Variants in C1GALT1 observed in about 807,000 individuals in gnomAD.
The protein encoded by C1GALT1 is core 1 synthase, glycoprotein-N-acetylgalactosamine 3-beta-galactosyltransferase 1.
In C1GALT1, 11 loss-of-function variants were observed where a neutral mutation model predicts 31.0. That is an observed-to-expected ratio of 0.36 (90% confidence interval 0.22 to 0.59). The LOEUF is 0.59. Among genes scored for constraint, C1GALT1 ranks in the 20% least tolerant of loss-of-function variants. The pLI, the probability that C1GALT1 is intolerant of heterozygous loss-of-function variation, is 0.79. For missense variants in C1GALT1, 424 were observed against 425.2 expected (o/e 1.00, Z 0.03); for synonymous variants, 175 against 143.6 (o/e 1.22, Z -1.56).
intron 2 of C1GALT1, among the ~76,000 whole-genome samples, chr7:7,158,720 C>T (rs1023189586): frequency 6.6e-6 from 1 of 151,624 alleles, no homozygotes; most frequent in African/African-American, 2.4e-5. Flanking sequence ...TCATGTAGGA[C>T]TCATATACGC....
chr7:7,210,744 A>G (rs2128238830), intron 1 of C1GALT1, among the ~76,000 whole-genome samples: 1 of 152,274 alleles, frequency 6.6e-6, no homozygotes. Flanking sequence ...TCGGGATTCC[A>G]GGAACATGTA....
chr7:7,182,864 C>G (rs1165681850), intron 1 of C1GALT1, 44 bp downstream of exon 1: 1 of 984,952 alleles, frequency 1.0e-6, no homozygotes, highest in Non-Finnish European at 1.2e-6. Context: ...TCCAAGGTCT[C>G]GTCTCCCCTC....
intron 1 of C1GALT1, among the ~76,000 whole-genome samples, chr7:7,227,253 T>C (rs1042065885): frequency 6.6e-6 from 1 of 152,210 alleles, no homozygotes; most frequent in Non-Finnish European, 1.5e-5. Flanking sequence ...GTTTGAATAT[T>C]TGTCCCCTCT....
intron 1 of C1GALT1, chr7:7,183,521 C>T (rs933621006): frequency 9.3e-6 from 9 of 964,638 alleles, no homozygotes; most frequent in African/African-American, 1.8e-5. Context: ...TTTGCTTCTG[C>T]ACCCCATTTT....
intron 2 of C1GALT1, among the ~76,000 whole-genome samples, chr7:7,175,888 G>A (rs1780501666): frequency 6.6e-6 from 1 of 151,906 alleles, no homozygotes; most frequent in East Asian, 1.9e-4. Context: ...CCTCTTCTTG[G>A]AAGGGCACCA....
chr7:7,159,597 T>C (rs1337885650), intron 2 of C1GALT1, among the ~76,000 whole-genome samples: 2 of 152,090 alleles, frequency 1.3e-5, no homozygotes, highest in African/African-American at 2.4e-5. Context: ...AGAGGCTCAA[T>C]AGAAACAGGA....
intron 2 of C1GALT1, among the ~76,000 whole-genome samples, chr7:7,166,820 T>C (rs1466374533): frequency 6.6e-6 from 1 of 152,200 alleles, no homozygotes; most frequent in Non-Finnish European, 1.5e-5. Context: ...CACTGTGTAA[T>C]ACAATAGTAA....
Position 7,245,167 on chromosome 7 carries a change from A to G in C1GALT1, c.*1440A>G, listed in dbSNP as rs1311252949. The G allele has an allele frequency of 6.6e-6, 1 of 152,244 alleles. No homozygotes were observed. The highest frequency in any genetic ancestry group is 2.4e-5 in the African/African-American group (1 of 41,458). 9.4% of individuals were successfully genotyped at this position (152,244 alleles called of 1,614,324 possible). ...AAGTATTTACATTTCCCTCATGTTT[A>G]TCATTATGCCAATTTTACATGGCAG... is the stretch of plus-strand genomic sequence containing the variant. On this transcript the variant is annotated 3_prime_UTR_variant, in exon 4 of 4. Coordinates refer to ENST00000436587, the MANE Select transcript of C1GALT1 (RefSeq NM_020156.5).
intron 2 of C1GALT1, among the ~76,000 whole-genome samples, chr7:7,168,164 G>C (rs1406159361): frequency 1.3e-5 from 2 of 152,172 alleles, no homozygotes; most frequent in Non-Finnish European, 2.9e-5. Context: ...AAGGTAATGG[G>C]ATATAGAAGT....
chr7:7,193,234 G>A (rs1204162267), intron 1 of C1GALT1, among the ~76,000 whole-genome samples: 3 of 152,254 alleles, frequency 2.0e-5, no homozygotes, highest in South Asian at 4.1e-4. Flanking sequence ...CTAAGCCAAT[G>A]TCTAGAAGGG....
chr7:7,222,599 C>T (rs996529748), intron 1 of C1GALT1, among the ~76,000 whole-genome samples: 5 of 152,032 alleles, frequency 3.3e-5, no homozygotes, highest in Non-Finnish European at 5.9e-5. Context: ...AAACCAACTG[C>T]GAAAAGACAT....
intron 2 of C1GALT1, among the ~76,000 whole-genome samples, chr7:7,173,242 A>C (rs1354943037): frequency 6.6e-6 from 1 of 151,800 alleles, no homozygotes; most frequent in East Asian, 1.9e-4. Flanking sequence ...AGTGTGTGGC[A>C]TCACCCCTCC....
intron 2 of C1GALT1, among the ~76,000 whole-genome samples, chr7:7,166,654 G>C (rs1403025623): frequency 6.6e-6 from 1 of 152,128 alleles, no homozygotes; most frequent in Non-Finnish European, 1.5e-5. Flanking sequence ...CCTCAATAAA[G>C]CAGTTAAAAA....
chr7:7,181,272 G>GATATTGCGGAAAGGTGGAGT (rs1376392034), upstream of C1GALT1, among the ~76,000 whole-genome samples: 1 of 152,170 alleles, frequency 6.6e-6, no homozygotes, highest in Non-Finnish European at 1.5e-5. Flanking sequence ...AAAGGTGGAG[G>GATATTGCGGAAAGGTGGAGT]GGGAGGAGGC....
At chr7:7,164,298 C>T (rs1032974823) in intron 2 of C1GALT1, among the ~76,000 whole-genome samples, 1 of 152,168 alleles carries the variant, frequency 6.6e-6, no homozygotes, top group Non-Finnish European at 1.5e-5. Flanking sequence ...CTTCCTTACA[C>T]CTTTCTTCAT....
upstream of C1GALT1, among the ~76,000 whole-genome samples, chr7:7,180,390 T>A (rs1019730734): frequency 4.6e-5 from 7 of 152,214 alleles, no homozygotes; most frequent in Non-Finnish European, 8.8e-5. Flanking sequence ...CATCAGAGAC[T>A]TTTTTTATGG....
At chr7:7,169,722 GTTGT>G (rs1438162888) in intron 2 of C1GALT1, among the ~76,000 whole-genome samples, 2 of 152,018 alleles carry the variant, frequency 1.3e-5, no homozygotes, top group Non-Finnish European at 2.9e-5. Flanking sequence ...TTTAAATCGT[GTTGT>G]TTGTCTTTTA....
chr7:7,217,651 A>T lies in C1GALT1; in HGVS notation c.-17-16652A>T, dbSNP rs151203971. On this transcript the variant is annotated intron_variant, in intron 1 of 3. Coordinates refer to ENST00000436587, the MANE Select transcript of C1GALT1 (RefSeq NM_020156.5). ...AAGAGGTGTAGGCATGATTTGAAAT[A>T]CAACAGAAGCAGTTCTTTTGTTTTT... Among the ~76,000 whole-genome samples, 161 of 152,346 alleles carry T rather than the reference A, an allele frequency of 1.1e-3. 2 individuals carry two copies. Among genetic ancestry groups the T allele is most frequent in the African/African-American group, 3.5e-3 (145 of 41,580 alleles).
intron 2 of C1GALT1, among the ~76,000 whole-genome samples, chr7:7,163,802 C>T (rs1196960808): frequency 6.6e-6 from 1 of 151,952 alleles, no homozygotes; most frequent in African/African-American, 2.4e-5. Context: ...AACCACTGCT[C>T]AAGGAAATAA....
Sources: allele counts gnomAD v4.1 joint callset (sites outside exome capture counted in the v4.1 genomes callset), GRCh38; gene constraint gnomAD v4.1.1; transcripts MANE v1.5; gene names NCBI Gene and HGNC (gene_info 2026-07-23, HGNC 2026-07-21).